The following PCDH15 variants were observed in gnomAD, a reference collection of about 807,000 sequenced individuals.
The protein encoded by PCDH15 is protocadherin related 15.
PCDH15 carries 129 observed loss-of-function variants against 178.5 expected under a neutral mutation model. That is an observed-to-expected ratio of 0.72 (90% CI 0.63 to 0.84). PCDH15 has a LOEUF of 0.84. PCDH15 is among the 40% of genes least tolerant of loss of function. The pLI is 0.00. For missense variants in PCDH15, 2,230 were observed against 2,099.9 expected (o/e 1.06, Z -1.21); for synonymous variants, 800 against 732.0 (o/e 1.09, Z -1.50).
chr10:54,277,120 G>A (rs1198359548), intron 8 of PCDH15, among the ~76,000 whole-genome samples: 2 of 151,514 alleles, frequency 1.3e-5, no homozygotes, highest in South Asian at 2.1e-4. Context: ...GTGAGCAGAC[G>A]TAGAGAAAAA....
intron 2 of PCDH15, among the ~76,000 whole-genome samples, chr10:55,369,473 AAG>A (rs1845446069): frequency 6.6e-6 from 1 of 152,082 alleles, no homozygotes; most frequent in African/African-American, 2.4e-5. Flanking sequence ...ACAGTGGTGC[AAG>A]AGCATTTATC....
chr10:54,176,676 T>A (rs1564610216), intron 13 of PCDH15, among the ~76,000 whole-genome samples: 1 of 152,192 alleles, frequency 6.6e-6, no homozygotes, highest in East Asian at 1.9e-4. Flanking sequence ...AGGGTGAGGA[T>A]CTGTTCTGAC....
At chr10:53,994,398 A>G (rs1205746342) in intron 21 of PCDH15, among the ~76,000 whole-genome samples, 1 of 152,060 alleles carries the variant, frequency 6.6e-6, no homozygotes, top group Non-Finnish European at 1.5e-5. Flanking sequence ...TATGGTTTCT[A>G]TTTGCAATTC....
chr10:55,577,341 T>C (rs555498670), intron 2 of PCDH15, among the ~76,000 whole-genome samples: 2 of 152,300 alleles, frequency 1.3e-5, no homozygotes, highest in Admixed American at 1.3e-4. Flanking sequence ...CACAAACATA[T>C]AAAGGTTTAG....
chr10:53,824,234 G>T (rs574586383), intron 32 of PCDH15, among the ~76,000 whole-genome samples: 1 of 152,118 alleles, frequency 6.6e-6, no homozygotes, highest in South Asian at 2.1e-4. Context: ...AAATAAAGTT[G>T]CATACATCAA....
chr10:54,426,565 C>T (rs189404429), intron 3 of PCDH15, among the ~76,000 whole-genome samples: 5 of 152,192 alleles, frequency 3.3e-5, no homozygotes, highest in Non-Finnish European at 5.9e-5. Flanking sequence ...GGGTTGGGAC[C>T]CCTGTTTTAC....
chr10:55,099,039 AG>A (rs1842515973), intron 2 of PCDH15, among the ~76,000 whole-genome samples: 1 of 151,906 alleles, frequency 6.6e-6, no homozygotes, highest in Admixed American at 6.6e-5. Context: ...GATGAACCTC[AG>A]GTGTTTACCC....
chr10:55,147,714 A>C (rs1483849738), intron 2 of PCDH15, among the ~76,000 whole-genome samples: 2 of 150,470 alleles, frequency 1.3e-5, no homozygotes, highest in Non-Finnish European at 3.0e-5. Context: ...CACAATGTGC[A>C]GGTTAGTTAC....
chr10:55,327,907 T>C (rs953076383), intron 2 of PCDH15, among the ~76,000 whole-genome samples: 3 of 152,054 alleles, frequency 2.0e-5, no homozygotes, highest in African/African-American at 7.2e-5. Flanking sequence ...ACTTCATTCA[T>C]GTTTATTGGC....
chr10:54,538,677 C>T (rs1181153170), intron 2 of PCDH15, among the ~76,000 whole-genome samples: 1 of 152,110 alleles, frequency 6.6e-6, no homozygotes. Flanking sequence ...TTTGCCCTTG[C>T]TGTTCTTGTG....
At chr10:55,156,303 C>T (rs559004050) in intron 2 of PCDH15, among the ~76,000 whole-genome samples, 2 of 152,148 alleles carry the variant, frequency 1.3e-5, no homozygotes, top group South Asian at 4.2e-4. Flanking sequence ...CATTGCCACA[C>T]AGATATATTA....
intron 25 of PCDH15, among the ~76,000 whole-genome samples, chr10:53,926,373 A>C (rs551432737): frequency 6.6e-6 from 1 of 152,350 alleles, no homozygotes; most frequent in East Asian, 1.9e-4. Context: ...GTAAATATTC[A>C]GATTTCCATT....
chr10:54,633,991 G>A (rs2093775279), intron 2 of PCDH15, among the ~76,000 whole-genome samples: 2 of 152,228 alleles, frequency 1.3e-5, no homozygotes, highest in African/African-American at 4.8e-5. Context: ...CACCAGCCAT[G>A]AATCTCCTTC....
intron 1 of PCDH15, among the ~76,000 whole-genome samples, chr10:55,194,124 A>T (rs1334760024): frequency 2.0e-5 from 3 of 152,030 alleles, no homozygotes; most frequent in African/African-American, 7.3e-5. Flanking sequence ...TGAATTTTGG[A>T]GGCATTCAAA....
At chr10:55,173,981 T>C (rs1839412161) in intron 1 of PCDH15, among the ~76,000 whole-genome samples, 2 of 152,180 alleles carry the variant, frequency 1.3e-5, no homozygotes, top group Admixed American at 6.5e-5. Flanking sequence ...TTTCACACTT[T>C]ATGGTACATT....
intron 3 of PCDH15, among the ~76,000 whole-genome samples, chr10:54,468,752 T>A (rs372167884): frequency 1.3e-5 from 2 of 152,178 alleles, no homozygotes; most frequent in Non-Finnish European, 2.9e-5. Flanking sequence ...GGTACTGAAG[T>A]CCCCCAAATA....
chr10:54,422,418 C>T (rs1048818502), intron 3 of PCDH15, among the ~76,000 whole-genome samples: 3 of 151,984 alleles, frequency 2.0e-5, no homozygotes, highest in African/African-American at 7.3e-5. Context: ...GATAAGTGGT[C>T]AATAAAATAT....
chr10:54,124,881 T>C (rs529499526), intron 15 of PCDH15, among the ~76,000 whole-genome samples: 2 of 152,348 alleles, frequency 1.3e-5, no homozygotes, highest in South Asian at 4.1e-4. Flanking sequence ...CAGGACCTGT[T>C]AATTCAGAGG....
intron 1 of PCDH15, among the ~76,000 whole-genome samples, chr10:54,743,917 C>G (rs1376106758): frequency 1.3e-5 from 2 of 152,072 alleles, no homozygotes; most frequent in African/African-American, 4.8e-5. Context: ...TTCAAAATGG[C>G]TTTCAGTGAT....
Sources: allele counts gnomAD v4.1 joint callset (sites outside exome capture counted in the v4.1 genomes callset), GRCh38; gene constraint gnomAD v4.1.1; transcripts MANE v1.5; gene names NCBI Gene and HGNC (gene_info 2026-07-23, HGNC 2026-07-21).